RGL1: variants seen among roughly 807,000 people sequenced by gnomAD.
RGL1 encodes ral guanine nucleotide dissociation stimulator-like 1.
Under a neutral mutation model 95.2 loss-of-function variants are expected in RGL1, and 24 were observed. The ratio of observed to expected loss-of-function variants is 0.25; its 90% confidence interval spans 0.18 to 0.35. The LOEUF (loss-of-function observed/expected upper bound fraction) is 0.35, where lower values mean the gene tolerates loss of function less well. RGL1 is among the 10% of genes least tolerant of loss of function. RGL1 has a pLI of 1.00. For missense variants in RGL1, 715 were observed against 936.3 expected, an observed-to-expected ratio of 0.76 and a Z score of 3.08; for synonymous variants, 329 against 344.9, an observed-to-expected ratio of 0.95 and a Z score of 0.51.
chr1:183,651,017 C>T (rs1650710959), intron 1 of RGL1, among the ~76,000 whole-genome samples: 1 of 152,096 alleles, frequency 6.6e-6, no homozygotes, highest in Non-Finnish European at 1.5e-5. Flanking sequence ...TTTTATGCAT[C>T]AAGAATATTA....
chr1:183,880,857 G>A (rs775400127), intron 5 of RGL1, 57 bp downstream of exon 5: 1,852 of 1,527,898 alleles, frequency 1.2e-3, no homozygotes, highest in Non-Finnish European at 1.5e-3. Flanking sequence ...CAGCCTCCAC[G>A]CTGGAGAAAG....
intron 2 of RGL1, among the ~76,000 whole-genome samples, chr1:183,793,627 A>T (rs1660542133): frequency 6.6e-6 from 1 of 152,192 alleles, no homozygotes; most frequent in Admixed American, 6.5e-5. Flanking sequence ...CTCTGAACAG[A>T]CATTTCTCAA....
intron 1 of RGL1, among the ~76,000 whole-genome samples, chr1:183,709,040 T>C (rs1199909392): frequency 6.6e-6 from 1 of 152,160 alleles, no homozygotes; most frequent in Non-Finnish European, 1.5e-5. Flanking sequence ...CAGCACCAAA[T>C]GAGACCGGGC....
intron 1 of RGL1, among the ~76,000 whole-genome samples, chr1:183,721,088 T>C (rs1655992168): frequency 6.6e-6 from 1 of 152,172 alleles, no homozygotes; most frequent in East Asian, 1.9e-4. Flanking sequence ...TTCTCTAGAC[T>C]TGACTTACTT....
rs575827156 is a variant in RGL1 at position 183,657,739 on chromosome 1, C to T, written c.-33+21238C>T. Reference sequence around the variant, plus strand: ...AAGTCTTTGCTATTGTGAATAGTGCCGCAATAAACATACGTGTGCATGTGT... The same window carrying T: ...AAGTCTTTGCTATTGTGAATAGTGCTGCAATAAACATACGTGTGCATGTGT... On this transcript the variant is annotated intron_variant, in intron 1 of 18. Coordinates refer to the RGL1 transcript ENST00000304685. 3.3e-4 allele frequency among the ~76,000 whole-genome samples: 50 copies of T among 151,476 alleles called. No individual in the cohort carries two copies. The East Asian group carries it at 6.4e-3, about 19-fold the overall frequency.
chr1:183,863,322 T>TTTTTTTG (rs869269765), intron 3 of RGL1, among the ~76,000 whole-genome samples: 121 of 152,226 alleles, frequency 7.9e-4, no homozygotes, highest in Middle Eastern at 3.4e-3. Context: ...TTCTTCTTCC[T>TTTTTTTG]TTTTTTGTTT....
At chr1:183,680,785 C>T (rs10911401) in intron 1 of RGL1, among the ~76,000 whole-genome samples, 12,041 of 152,114 alleles carry the variant, frequency 0.079, 897 homozygotes, top group African/African-American at 0.2. Context: ...GCCATTTTCA[C>T]GATATTGATT....
intron 2 of RGL1, among the ~76,000 whole-genome samples, chr1:183,818,645 G>C (rs1231560583): frequency 1.3e-5 from 2 of 152,108 alleles, no homozygotes; most frequent in African/African-American, 4.8e-5. Flanking sequence ...AAAGGGCGGG[G>C]GCCATATTTA....
At chr1:183,705,733 T>C (rs1654872874) in intron 1 of RGL1, among the ~76,000 whole-genome samples, 1 of 152,214 alleles carries the variant, frequency 6.6e-6, no homozygotes, top group African/African-American at 2.4e-5. Flanking sequence ...CTACTGGACA[T>C]ACTAGGGGTA....
Position 183,869,874 on chromosome 1 carries a change from A to G in RGL1, c.425+3801A>G, listed in dbSNP as rs960112852. ...ATGATTGAGGGCTTCCTGATGATCA[A>G]TAGATGTGTAGGAGGTATGGCAGTG... On this transcript the variant is annotated intron_variant, in intron 4 of 17. Transcript: ENST00000360851. Among the ~76,000 whole-genome samples the G allele has an allele frequency of 2.6e-5, 4 of 152,166 alleles. No homozygotes were observed. The South Asian group carries it at 6.2e-4, about 24-fold the overall frequency.
chr1:183,889,627 G>C (rs1249836504), intron 8 of RGL1, among the ~76,000 whole-genome samples: 1 of 152,190 alleles, frequency 6.6e-6, no homozygotes, highest in African/African-American at 2.4e-5. Context: ...ATGAGTGCCA[G>C]AATCCTCAAG....
At chr1:183,867,270 G>A (rs1316304199) in intron 4 of RGL1, among the ~76,000 whole-genome samples, 6 of 152,182 alleles carry the variant, frequency 3.9e-5, no homozygotes, top group Non-Finnish European at 8.8e-5. Flanking sequence ...TGGTTCCTTG[G>A]GTGTTTAGAG....
intron 2 of RGL1, among the ~76,000 whole-genome samples, chr1:183,797,286 G>A (rs1318959410): frequency 5.9e-5 from 9 of 152,150 alleles, no homozygotes; most frequent in South Asian, 2.1e-4. Context: ...CTGGGATGGC[G>A]CCACGGCACT....
At chr1:183,654,012 G>A (rs1464579339) in intron 1 of RGL1, among the ~76,000 whole-genome samples, 1 of 152,154 alleles carries the variant, frequency 6.6e-6, no homozygotes, top group African/African-American at 2.4e-5. Context: ...GATTGCTATT[G>A]TGTACATTCC....
At chr1:183,778,333 G>A (rs1289755222) in intron 2 of RGL1, among the ~76,000 whole-genome samples, 1 of 152,154 alleles carries the variant, frequency 6.6e-6, no homozygotes, top group Non-Finnish European at 1.5e-5. Context: ...TATAGGATAG[G>A]AAAGAAGGAA....
At chr1:183,817,578 C>G (rs1016360874) in intron 2 of RGL1, among the ~76,000 whole-genome samples, 1 of 152,190 alleles carries the variant, frequency 6.6e-6, no homozygotes, top group African/African-American at 2.4e-5. Flanking sequence ...TTCCTTCTCT[C>G]TCAAGATACT....
chr1:183,658,843 G>A (rs1651392098), intron 1 of RGL1, among the ~76,000 whole-genome samples: 1 of 151,492 alleles, frequency 6.6e-6, no homozygotes, highest in African/African-American at 2.4e-5. Context: ...CACAGGGCCG[G>A]GTACTCCTCT....
intron 1 of RGL1, among the ~76,000 whole-genome samples, chr1:183,727,684 C>A (rs1324008911): frequency 6.6e-6 from 1 of 152,112 alleles, no homozygotes. Flanking sequence ...ATGACATGAT[C>A]AAGCATGCAG....
chr1:183,914,200 T>G (rs779503538), intron 15 of RGL1, among the ~76,000 whole-genome samples: 2 of 152,370 alleles, frequency 1.3e-5, no homozygotes, highest in Non-Finnish European at 2.9e-5. Context: ...AGTCACACCT[T>G]GTGGCATAGT....
Sources: gnomAD v4.1 joint callset for allele counts (sites outside exome capture counted in the v4.1 genomes callset) on GRCh38, gnomAD v4.1.1 for gene constraint, MANE v1.5 for transcripts, NCBI Gene and HGNC (gene_info 2026-07-23, HGNC 2026-07-21) for gene names.